The following WNK2 variants were observed in gnomAD, a reference collection of about 807,000 sequenced individuals.
The protein encoded by WNK2 is WNK lysine deficient protein kinase 2.
A neutral mutation model predicts 192.1 loss-of-function variants in WNK2; 67 were observed. The observed-to-expected ratio is 0.35, with a 90% CI of 0.29 to 0.43. The LOEUF is 0.43. WNK2 is among the 20% of genes least tolerant of loss of function. WNK2 has a pLI of 1.00. For missense variants in WNK2, 2,698 were observed against 3,089.7 expected (o/e 0.87, Z 3.01); for synonymous variants, 1,439 against 1,393.9 (o/e 1.03, Z -0.72).
Position 93,274,531 on chromosome 9 carries a change from A to G in WNK2, c.4033+5785A>G, listed in dbSNP as rs867652985. Reference sequence around the variant, plus strand: ...CGTCTCAACCAAAAAAAAAAAAAAAAAAAAAAAGAAAAAAAACACATAAAA... The same window carrying G: ...CGTCTCAACCAAAAAAAAAAAAAAAGAAAAAAAGAAAAAAAACACATAAAA... On this transcript the variant is annotated intron_variant, in intron 19 of 29. Coordinates refer to ENST00000427277, the MANE Select transcript of WNK2 (RefSeq NM_006648.4). Among the ~76,000 whole-genome samples, 258 of 139,618 alleles carry G rather than the reference A, an allele frequency of 1.8e-3. 1 individual carries two copies. The highest frequency in any genetic ancestry group is 3.3e-3 in the Non-Finnish European group (206 of 63,188). 91.6% of individuals were successfully genotyped at this position (139,618 alleles called of 152,430 possible).
intron 9 of WNK2, among the ~76,000 whole-genome samples, chr9:93,255,248 C>T (rs900942848): frequency 3.9e-5 from 6 of 152,192 alleles, no homozygotes; most frequent in African/African-American, 7.2e-5. Flanking sequence ...GTGTCTGCAG[C>T]GCCCAGTGAA....
intron 2 of WNK2, among the ~76,000 whole-genome samples, chr9:93,190,851 G>A (rs940443080): frequency 1.3e-5 from 2 of 152,204 alleles, no homozygotes; most frequent in East Asian, 3.8e-4. Flanking sequence ...TCCTCTAGGC[G>A]GCTGCTTTTC....
At chr9:93,318,732 C>G in intron 29 of WNK2, 9 of 1,437,234 alleles carry the variant, frequency 6.3e-6, no homozygotes, top group Non-Finnish European at 8.2e-6. Context: ...GACCGCTCTC[C>G]CGTCCAGCCC....
At chr9:93,289,676 G>C in intron 20 of WNK2, 56 bp downstream of exon 20, 2 of 1,415,982 alleles carry the variant, frequency 1.4e-6, no homozygotes, top group Non-Finnish European at 1.8e-6. Context: ...CGGAGCCCGG[G>C]CGCAGGCCCG....
intron 2 of WNK2, among the ~76,000 whole-genome samples, chr9:93,193,806 C>T (rs1830758202): frequency 6.6e-6 from 1 of 152,128 alleles, no homozygotes; most frequent in Non-Finnish European, 1.5e-5. Context: ...TACTTGATTA[C>T]GACTTCTTAT....
Position 93,185,190 on chromosome 9 carries a change from G to A in WNK2, c.261G>A (p.Glu87=), listed in dbSNP as rs915533848. The A allele has an allele frequency of 2.1e-5, 25 of 1,175,030 alleles. No individual in the cohort carries two copies. The African/African-American group carries it at 3.4e-4, about 16-fold the overall frequency. The allele number at this position is 1,175,030 out of a possible 1,614,324, so 72.8% of individuals were successfully genotyped here. The change falls in exon 2 of 30, where the codon GAG becomes GAA. Residue 87 remains glutamate (E), a synonymous_variant. Transcript: ENST00000427277. ...LLCKTRRLIA[E]RARGRPAAPA... is the part of the protein sequence containing the mutation. ...GCAAGACGCGCCGCCTCATCGCGGAGCGCGCCCGCGGACGCCCCGCCGCCC... is the reference window on the plus strand; with the variant it reads ...GCAAGACGCGCCGCCTCATCGCGGAACGCGCCCGCGGACGCCCCGCCGCCC...
chr9:93,189,631 A>G (rs899164382), intron 2 of WNK2, among the ~76,000 whole-genome samples: 2 of 152,034 alleles, frequency 1.3e-5, no homozygotes, highest in East Asian at 3.9e-4. Context: ...TGGTCCCCCC[A>G]CCATCCTCCA....
rs569722741 is a variant in WNK2 at position 93,199,949 on chromosome 9, G to A, written c.681+14339G>A. Among the ~76,000 whole-genome samples the A allele has an allele frequency of 2.0e-5, 3 of 150,514 alleles. No homozygotes were observed. The South Asian group carries it at 6.3e-4, about 32-fold the overall frequency. ...CTGTGGAGAAGAGCTAGGATGGGGGGGCAGCGGTTGGGCAGGTCCTGTGTG... is the reference window on the plus strand; with the variant it reads ...CTGTGGAGAAGAGCTAGGATGGGGGAGCAGCGGTTGGGCAGGTCCTGTGTG... On this transcript the variant is annotated intron_variant, in intron 2 of 29. Transcript: ENST00000427277.
intron 26 of WNK2, among the ~76,000 whole-genome samples, chr9:93,300,995 C>T (rs1014984699): frequency 2.0e-5 from 3 of 152,174 alleles, no homozygotes; most frequent in Admixed American, 6.5e-5. Context: ...CTCCCATGAC[C>T]GCAGGGATGA....
At chr9:93,245,279 T>C (rs957595288) in intron 7 of WNK2, among the ~76,000 whole-genome samples, 1 of 152,232 alleles carries the variant, frequency 6.6e-6, no homozygotes, top group Admixed American at 6.5e-5. Context: ...GGGCACTTTC[T>C]TGCATCCGGA....
At chr9:93,195,787 T>C (rs1587787323) in intron 2 of WNK2, among the ~76,000 whole-genome samples, 1 of 152,018 alleles carries the variant, frequency 6.6e-6, no homozygotes, top group Non-Finnish European at 1.5e-5. Flanking sequence ...CTTTTATTTT[T>C]GAATAGGACC....
In WNK2 at chr9:93,320,499, T is replaced by C. The variant is rs1855316353; in HGVS notation, c.*107T>C. 1 of 1,184,032 alleles carries C rather than the reference T, an allele frequency of 8.4e-7. No individual in the cohort carries two copies. Among genetic ancestry groups the C allele is most frequent in the Non-Finnish European group, 1.2e-6 (1 of 869,526 alleles). The allele number at this position is 1,184,032 out of a possible 1,614,324, so 73.3% of individuals were successfully genotyped here. A position where few individuals can be genotyped will look rare whatever the true frequency, so the allele number is the denominator to read the frequency against. Reference sequence around the variant, plus strand: ...AGTTCACGCTGTTTTGTAACCACTTTCTAAGCATTTTTTATTCACAATTGG... The same window carrying C: ...AGTTCACGCTGTTTTGTAACCACTTCCTAAGCATTTTTTATTCACAATTGG... On this transcript the variant is annotated 3_prime_UTR_variant, in exon 30 of 30. Transcript: ENST00000427277.
intron 2 of WNK2, among the ~76,000 whole-genome samples, chr9:93,187,836 G>T (rs962753087): frequency 6.6e-6 from 1 of 152,104 alleles, no homozygotes; most frequent in African/African-American, 2.4e-5. Flanking sequence ...GGAAGAGGGT[G>T]GGGTGTAGGG....
chr9:93,272,576 T>C (rs1049789050), intron 19 of WNK2, among the ~76,000 whole-genome samples: 6 of 151,776 alleles, frequency 4.0e-5, no homozygotes, highest in African/African-American at 1.5e-4. Flanking sequence ...TCGTCTCTAC[T>C]AAAAATACAA....
At position 93,247,338 on chromosome 9, in the gene WNK2, G is replaced by A. The variant is rs58062180; in HGVS notation, c.1543-205G>A. Among the ~76,000 whole-genome samples the A allele has an allele frequency of 4.9e-4, 74 of 152,334 alleles. No homozygotes were observed. The highest frequency in any genetic ancestry group is 1.7e-3 in the African/African-American group (71 of 41,578). ...TCTGCGGGATGCAGGTCAGGCCTGC[G>A]TGGTGGTGGTCTTTCTTTGCCTTGC... is the stretch of plus-strand genomic sequence containing the variant. On this transcript the variant is annotated intron_variant, in intron 7 of 29. Transcript: ENST00000427277. This position sits in a 1 kb window ranked among gnomAD's most constrained non-coding sequence, Gnocchi z 5.2.
At chr9:93,236,884 C>T (rs1007706468) in intron 5 of WNK2, among the ~76,000 whole-genome samples, 11 of 152,280 alleles carry the variant, frequency 7.2e-5, no homozygotes, top group African/African-American at 2.7e-4. Context: ...CTCTACTAGC[C>T]TCCTGGAACA....
At chr9:93,214,136 C>G (rs1335234404) in intron 2 of WNK2, among the ~76,000 whole-genome samples, 1 of 152,062 alleles carries the variant, frequency 6.6e-6, no homozygotes, top group African/African-American at 2.4e-5. Context: ...TTTCCCTTTA[C>G]CTGAAGTTTT....
chr9:93,292,162 T>C, intron 21 of WNK2, 146 bp from the exon 22 acceptor site: 1 of 746,656 alleles, frequency 1.3e-6, no homozygotes, highest in South Asian at 1.7e-5. Flanking sequence ...CACACACAGC[T>C]GGCTCCTCCC....
At position 93,288,900 on chromosome 9, in the gene WNK2, C is replaced by T. The variant is rs1236760148; in HGVS notation, c.4146C>T (p.Ala1382=). 4 of 1,607,736 alleles carry T rather than the reference C, an allele frequency of 2.5e-6. No homozygotes were observed. The highest frequency in any genetic ancestry group is 3.4e-6 in the Non-Finnish European group (4 of 1,177,656). ...GPSNPPGAPP[A]PLAPSSPPVT... ...GCAACCCTCCTGGGGCACCCCCAGC[C>T]CCTTTGGCCCCCTCCTCCCCTCCTG... is the stretch of plus-strand genomic sequence containing the variant. Residue 1382 remains alanine, a synonymous_variant, in exon 20 of 30, where the codon GCC becomes GCT. Transcript: ENST00000427277.
Sources: allele counts gnomAD v4.1 joint callset (sites outside exome capture counted in the v4.1 genomes callset), GRCh38; gene constraint gnomAD v4.1.1; non-coding constraint Gnocchi (gnomAD v3.1); transcripts MANE v1.5; gene names NCBI Gene and HGNC (gene_info 2026-07-23, HGNC 2026-07-21).